The following NXPH1 variants were observed in gnomAD, a reference collection of about 807,000 sequenced individuals.
NXPH1 encodes the protein neurexophilin 1, also known as neurexophilin-1.
Under a neutral mutation model 23.7 loss-of-function variants are expected in NXPH1, and 5 were observed. That is an observed-to-expected ratio of 0.21 (90% CI 0.11 to 0.44). NXPH1 has a LOEUF of 0.44. Ranked by LOEUF, NXPH1 falls within the 20% of genes least tolerant of loss-of-function variation. NXPH1 has a pLI of 0.99. For missense variants in NXPH1, 324 were observed against 321.6 expected (o/e 1.01, Z -0.06); for synonymous variants, 144 against 122.2 (o/e 1.18, Z -1.18).
At chr7:8,540,077 A>G (rs1818090363) in intron 2 of NXPH1, among the ~76,000 whole-genome samples, 1 of 151,868 alleles carries the variant, frequency 6.6e-6, no homozygotes, top group African/African-American at 2.4e-5. Context: ...CGCTAATTTT[A>G]TAGCAGATTT....
chr7:8,654,844 G>A (rs962956004), intron 2 of NXPH1, among the ~76,000 whole-genome samples: 1 of 152,188 alleles, frequency 6.6e-6, no homozygotes, highest in Non-Finnish European at 1.5e-5. Flanking sequence ...GAAAGAAGGG[G>A]TTTGGGGCAG....
chr7:8,538,293 T>C (rs1818060519), intron 2 of NXPH1, among the ~76,000 whole-genome samples: 1 of 151,940 alleles, frequency 6.6e-6, no homozygotes, highest in Non-Finnish European at 1.5e-5. Flanking sequence ...CATTCATTTT[T>C]CTTCTAGGCC....
intron 2 of NXPH1, among the ~76,000 whole-genome samples, chr7:8,670,886 A>G (rs1334141799): frequency 6.6e-6 from 1 of 152,128 alleles, no homozygotes; most frequent in Non-Finnish European, 1.5e-5. Flanking sequence ...CTGCTTTCTA[A>G]TCATTGAAAT....
chr7:8,525,699 C>A (rs892498083), intron 2 of NXPH1, among the ~76,000 whole-genome samples: 2 of 152,194 alleles, frequency 1.3e-5, no homozygotes, highest in Admixed American at 6.5e-5. Context: ...GTAGCTTAGG[C>A]TGTGGCTTCA....
chr7:8,742,470 TTAAAA>T (rs1780383059), intron 2 of NXPH1, among the ~76,000 whole-genome samples: 1 of 152,090 alleles, frequency 6.6e-6, no homozygotes, highest in Non-Finnish European at 1.5e-5. Flanking sequence ...ATACTTAAGT[TTAAAA>T]TAAAGGTGAT....
chr7:8,571,509 T>C (rs1403520160), intron 2 of NXPH1, among the ~76,000 whole-genome samples: 10 of 151,696 alleles, frequency 6.6e-5, no homozygotes, highest in African/African-American at 2.2e-4. Flanking sequence ...AAGAAATGGA[T>C]TGAGGAAAAA....
chr7:8,483,962 C>G (rs954083029), intron 2 of NXPH1, among the ~76,000 whole-genome samples: 1 of 134,682 alleles, frequency 7.4e-6, no homozygotes, highest in Non-Finnish European at 1.5e-5. Flanking sequence ...ACACTCCCCC[C>G]ACCTTTTTTT....
At chr7:8,512,154 T>A (rs1311353937) in intron 2 of NXPH1, among the ~76,000 whole-genome samples, 3 of 152,138 alleles carry the variant, frequency 2.0e-5, no homozygotes, top group Admixed American at 2.0e-4. Flanking sequence ...CCTCTCCAAA[T>A]ACAGCATTAA....
At chr7:8,448,283 A>G (rs1426828572) in intron 2 of NXPH1, among the ~76,000 whole-genome samples, 1 of 152,244 alleles carries the variant, frequency 6.6e-6, no homozygotes. Flanking sequence ...CAATGCAATG[A>G]TGAACTAACA....
At chr7:8,553,756 G>C (rs752212944) in intron 2 of NXPH1, among the ~76,000 whole-genome samples, 1 of 151,466 alleles carries the variant, frequency 6.6e-6, no homozygotes, top group Non-Finnish European at 1.5e-5. Flanking sequence ...AAACACCCTT[G>C]GTTTGAAAAA....
At chr7:8,644,938 G>A (rs948557390) in intron 2 of NXPH1, among the ~76,000 whole-genome samples, 4 of 152,128 alleles carry the variant, frequency 2.6e-5, no homozygotes, top group African/African-American at 7.2e-5. Flanking sequence ...TAAACAGAAT[G>A]TCTTCTTTGG....
intron 2 of NXPH1, among the ~76,000 whole-genome samples, chr7:8,563,580 G>T (rs774820132): frequency 1.3e-5 from 2 of 151,784 alleles, no homozygotes; most frequent in African/African-American, 2.4e-5. Context: ...GAGCAATAAG[G>T]TGTGAAAAAA....
intron 2 of NXPH1, among the ~76,000 whole-genome samples, chr7:8,509,407 T>A (rs1817578820): frequency 6.6e-6 from 1 of 152,142 alleles, no homozygotes; most frequent in African/African-American, 2.4e-5. Context: ...TGTTAACTTG[T>A]GCCCTGTCAT....
chr7:8,572,189 T>C (rs1474134763), intron 2 of NXPH1, among the ~76,000 whole-genome samples: 5 of 151,992 alleles, frequency 3.3e-5, no homozygotes, highest in Non-Finnish European at 7.4e-5. Flanking sequence ...ATTAAGTAGA[T>C]GTCATATATT....
chr7:8,627,517 G>C (rs4621710), intron 2 of NXPH1, among the ~76,000 whole-genome samples: 1 of 152,108 alleles, frequency 6.6e-6, no homozygotes, highest in African/African-American at 2.4e-5. Flanking sequence ...TAGTAGGATC[G>C]CAGGGGGAGA....
intron 2 of NXPH1, among the ~76,000 whole-genome samples, chr7:8,532,191 G>T (rs1291369875): frequency 6.6e-6 from 1 of 152,076 alleles, no homozygotes; most frequent in Non-Finnish European, 1.5e-5. Flanking sequence ...ATATTTTCCT[G>T]CTTTATAGGC....
At chr7:8,465,254 CA>C (rs1738087949) in intron 2 of NXPH1, among the ~76,000 whole-genome samples, 3 of 152,170 alleles carry the variant, frequency 2.0e-5, no homozygotes, top group African/African-American at 7.2e-5. Flanking sequence ...AGCATCTTTA[CA>C]GAAACATTTT....
intron 2 of NXPH1, among the ~76,000 whole-genome samples, chr7:8,563,379 C>T (rs1031213178): frequency 3.3e-5 from 5 of 151,648 alleles, no homozygotes; most frequent in African/African-American, 9.7e-5. Context: ...TTGAGAATGC[C>T]CACTAACTAA....
At chr7:8,578,586 G>T (rs1818797938) in intron 2 of NXPH1, among the ~76,000 whole-genome samples, 1 of 152,180 alleles carries the variant, frequency 6.6e-6, no homozygotes, top group Admixed American at 6.5e-5. Context: ...AGATTTTATA[G>T]ATAAGGAGTT....
Sources: gnomAD v4.1 joint callset for allele counts (sites outside exome capture counted in the v4.1 genomes callset) on GRCh38, gnomAD v4.1.1 for gene constraint, MANE v1.5 for transcripts, NCBI Gene and HGNC (gene_info 2026-07-23, HGNC 2026-07-21) for gene names.